Variants in GPC6 observed in about 807,000 individuals in gnomAD.
GPC6 encodes the protein glypican 6.
In GPC6, 14 loss-of-function variants were observed where a neutral mutation model predicts 55.2. The observed-to-expected ratio is 0.25, with a 90% confidence interval of 0.17 to 0.40. The LOEUF (loss-of-function observed/expected upper bound fraction) is 0.40, where lower values mean the gene tolerates loss of function less well. GPC6 is among the 10% of genes least tolerant of loss of function. GPC6 has a pLI of 1.00. For missense variants in GPC6, 641 were observed against 708.5 expected (o/e 0.90, Z 1.08); for synonymous variants, 278 against 259.6 (o/e 1.07, Z -0.68).
intron 2 of GPC6, among the ~76,000 whole-genome samples, chr13:93,724,283 C>G (rs958487555): frequency 5.3e-5 from 8 of 151,874 alleles, no homozygotes; most frequent in African/African-American, 1.7e-4. Context: ...GAGTTTGTTA[C>G]TAATGTTCTT....
intron 4 of GPC6, among the ~76,000 whole-genome samples, chr13:94,075,353 T>C (rs867259491): frequency 8.5e-5 from 13 of 152,084 alleles, no homozygotes; most frequent in South Asian, 8.3e-4. Flanking sequence ...CATAACCCAA[T>C]CAAGGAAATA....
intron 7 of GPC6, among the ~76,000 whole-genome samples, chr13:94,385,284 C>T (rs1880353606): frequency 2.0e-5 from 3 of 151,438 alleles, no homozygotes; most frequent in African/African-American, 7.3e-5. Context: ...TGAAAAGGTA[C>T]AGTGACTGGG....
intron 1 of GPC6, among the ~76,000 whole-genome samples, chr13:93,405,066 T>G (rs1390061621): frequency 6.6e-6 from 1 of 152,116 alleles, no homozygotes; most frequent in Non-Finnish European, 1.5e-5. Context: ...ATCAGTTGGG[T>G]TTATTTTTAT....
chr13:93,572,233 G>A (rs1018566772), intron 2 of GPC6, among the ~76,000 whole-genome samples: 1 of 152,166 alleles, frequency 6.6e-6, no homozygotes, highest in African/African-American at 2.4e-5. Context: ...TATAGGTTGG[G>A]AGTTTATGAC....
chr13:93,819,559 A>G (rs1886973735), intron 2 of GPC6, among the ~76,000 whole-genome samples: 1 of 152,218 alleles, frequency 6.6e-6, no homozygotes, highest in Non-Finnish European at 1.5e-5. Context: ...ATGGAAGCAG[A>G]TTTGCGGGCC....
chr13:94,335,296 C>T lies in GPC6; in HGVS notation c.1152+29173C>T, dbSNP rs553771302. Among the ~76,000 whole-genome samples, 3 of 152,280 alleles carry T rather than the reference C, an allele frequency of 2.0e-5. No individual in the cohort carries two copies. In the South Asian group the frequency reaches 6.2e-4, roughly 32 times the overall value. ...TTCAAATTAAGGTGGATAGGATATG[C>T]TGAATGTCCACAAACCCTTATAGGA... On this transcript the variant is annotated intron_variant, in intron 6 of 8. Transcript: ENST00000377047.
At chr13:93,600,344 C>G (rs1260131415) in intron 2 of GPC6, among the ~76,000 whole-genome samples, 1 of 152,124 alleles carries the variant, frequency 6.6e-6, no homozygotes, top group Non-Finnish European at 1.5e-5. Flanking sequence ...TTTCAGAGAA[C>G]AGTAAATTCA....
chr13:93,517,059 T>C (rs1881229085), intron 1 of GPC6, among the ~76,000 whole-genome samples: 1 of 128,354 alleles, frequency 7.8e-6, no homozygotes, highest in Non-Finnish European at 1.7e-5. Context: ...TTGAACTCAC[T>C]TGTTATTTTT....
intron 8 of GPC6, among the ~76,000 whole-genome samples, chr13:94,401,502 C>G (rs1022134177): frequency 1.3e-5 from 2 of 151,894 alleles, no homozygotes; most frequent in African/African-American, 4.8e-5. Flanking sequence ...TACCCTGGGT[C>G]GACATACTCT....
chr13:93,700,748 T>G (rs1421100720), intron 2 of GPC6, among the ~76,000 whole-genome samples: 6 of 152,038 alleles, frequency 3.9e-5, no homozygotes, highest in Admixed American at 3.9e-4. Context: ...TGATATGAAG[T>G]ATTTGATGCT....
intron 1 of GPC6, among the ~76,000 whole-genome samples, chr13:93,305,464 T>A (rs1454877253): frequency 6.6e-6 from 1 of 152,072 alleles, no homozygotes; most frequent in Non-Finnish European, 1.5e-5. Context: ...CTCAGAACAG[T>A]TAAGAGATTT....
intron 2 of GPC6, among the ~76,000 whole-genome samples, chr13:93,693,020 G>A (rs566709462): frequency 6.4e-4 from 97 of 151,464 alleles, no homozygotes; most frequent in Non-Finnish European, 1.3e-3. Context: ...TTGCTAAAAA[G>A]TAGATTTGAA....
intron 1 of GPC6, among the ~76,000 whole-genome samples, chr13:93,454,930 C>T (rs1878384048): frequency 6.6e-6 from 1 of 152,244 alleles, no homozygotes; most frequent in South Asian, 2.1e-4. Flanking sequence ...AGCCCTGTCC[C>T]GCAGGAAGGC....
chr13:94,267,571 T>C (rs1276656803), intron 4 of GPC6, among the ~76,000 whole-genome samples: 1 of 152,206 alleles, frequency 6.6e-6, no homozygotes, highest in Non-Finnish European at 1.5e-5. Context: ...CTTGGGGTTC[T>C]GACCCAATTC....
intron 1 of GPC6, among the ~76,000 whole-genome samples, chr13:93,543,284 T>C (rs942469864): frequency 2.0e-5 from 3 of 152,218 alleles, no homozygotes; most frequent in African/African-American, 7.2e-5. Context: ...GAGATAATCA[T>C]GTGGTTTTTG....
intron 6 of GPC6, among the ~76,000 whole-genome samples, chr13:94,377,911 C>T (rs1198196007): frequency 6.6e-6 from 1 of 152,050 alleles, no homozygotes; most frequent in Non-Finnish European, 1.5e-5. Context: ...ATGGATGAAA[C>T]TGGAAATCAT....
At chr13:94,119,093 G>C (rs1284626724) in intron 4 of GPC6, among the ~76,000 whole-genome samples, 2 of 151,724 alleles carry the variant, frequency 1.3e-5, no homozygotes, top group East Asian at 3.9e-4. Context: ...GTGCATATAT[G>C]TATAAAATCA....
intron 2 of GPC6, among the ~76,000 whole-genome samples, chr13:93,768,199 C>T (rs913982341): frequency 2.6e-5 from 4 of 152,200 alleles, no homozygotes; most frequent in African/African-American, 9.7e-5. Context: ...AGCACTTTTG[C>T]TCTAACTCAT....
chr13:93,850,510 T>C (rs1888355175), intron 3 of GPC6, among the ~76,000 whole-genome samples: 1 of 151,982 alleles, frequency 6.6e-6, no homozygotes, highest in Non-Finnish European at 1.5e-5. Flanking sequence ...TCACTGTTTA[T>C]TGAGAAAATA....
Sources: allele counts gnomAD v4.1 joint callset (sites outside exome capture counted in the v4.1 genomes callset), GRCh38; gene constraint gnomAD v4.1.1; transcripts MANE v1.5; gene names NCBI Gene and HGNC (gene_info 2026-07-23, HGNC 2026-07-21).